IQCM: variants seen among roughly 807,000 people sequenced by gnomAD.
The protein encoded by IQCM is IQ motif containing M.
In IQCM, 45 loss-of-function variants were observed where a neutral mutation model predicts 57.6. The ratio of observed to expected loss-of-function variants is 0.78; its 90% CI spans 0.62 to 1.00. The LOEUF is 1.00. IQCM is among the 50% of genes least tolerant of loss of function. The probability of loss-of-function intolerance (pLI) is 0.00; values close to 1 mark genes in which losing one functional copy is unlikely to be tolerated. For missense variants in IQCM, 468 were observed against 511.6 expected, an observed-to-expected ratio of 0.91 and a Z score of 0.82; for synonymous variants, 148 against 158.9, an observed-to-expected ratio of 0.93 and a Z score of 0.51.
chr4:149,517,352 T>A (rs1232603192), intron 12 of IQCM, among the ~76,000 whole-genome samples: 1 of 152,204 alleles, frequency 6.6e-6, no homozygotes, highest in Non-Finnish European at 1.5e-5. Context: ...TTACCCTTTA[T>A]CATGTGACAT....
chr4:149,783,894 A>T (rs77933172), intron 2 of IQCM, among the ~76,000 whole-genome samples: 3,402 of 152,150 alleles, frequency 0.022, 65 homozygotes, highest in South Asian at 0.036. Flanking sequence ...CAATCATATA[A>T]CTGCAAGGAA....
At chr4:149,449,669 A>C (rs572722120) in intron 12 of IQCM, among the ~76,000 whole-genome samples, 5 of 151,536 alleles carry the variant, frequency 3.3e-5, no homozygotes, top group African/African-American at 4.8e-5. Flanking sequence ...AAAGATCTCT[A>C]TAATGAAAAC....
chr4:149,738,704 T>C (rs1029353173), intron 3 of IQCM, among the ~76,000 whole-genome samples: 1 of 152,074 alleles, frequency 6.6e-6, no homozygotes, highest in Non-Finnish European at 1.5e-5. Context: ...TTCACATAGA[T>C]CCTGAAATGG....
intron 7 of IQCM, among the ~76,000 whole-genome samples, chr4:149,639,118 T>A (rs1757966858): frequency 6.6e-6 from 1 of 152,128 alleles, no homozygotes; most frequent in South Asian, 2.1e-4. Flanking sequence ...GAATATAAAT[T>A]ATATTTCAAT....
At chr4:149,660,687 A>G (rs1760108392) in intron 7 of IQCM, among the ~76,000 whole-genome samples, 1 of 152,252 alleles carries the variant, frequency 6.6e-6, no homozygotes, top group South Asian at 2.1e-4. Context: ...TTGTAGGGAC[A>G]TGGATGAAAT....
chr4:149,486,017 GTCTC>G (rs71596213), intron 12 of IQCM, among the ~76,000 whole-genome samples: 46,612 of 121,368 alleles, frequency 0.38, 8,693 homozygotes, highest in South Asian at 0.54. Context: ...AGCAAACAGA[GTCTC>G]TCTCTCTCTC....
intron 12 of IQCM, among the ~76,000 whole-genome samples, chr4:149,436,021 C>T (rs1309012018): frequency 1.3e-5 from 2 of 151,964 alleles, no homozygotes; most frequent in East Asian, 3.9e-4. Context: ...AAGTTAGTGT[C>T]GCCTAAGTGT....
chr4:149,803,836 A>C (rs1161324458), intron 2 of IQCM, among the ~76,000 whole-genome samples: 1 of 151,672 alleles, frequency 6.6e-6, no homozygotes, highest in African/African-American at 2.4e-5. Flanking sequence ...CAGTTCTTTG[A>C]GTTATAATTT....
At chr4:149,458,714 A>C (rs997392603) in intron 12 of IQCM, among the ~76,000 whole-genome samples, 1 of 152,140 alleles carries the variant, frequency 6.6e-6, no homozygotes, top group Admixed American at 6.6e-5. Context: ...ACGTTCTAAA[A>C]GCTAATTCAG....
chr4:149,802,643 C>A (rs1365387638), intron 2 of IQCM, among the ~76,000 whole-genome samples: 1 of 151,952 alleles, frequency 6.6e-6, no homozygotes, highest in African/African-American at 2.4e-5. Flanking sequence ...CAAGTAAACT[C>A]TAAATTATAT....
chr4:149,380,183 A>G (rs1029391944), intron 13 of IQCM, among the ~76,000 whole-genome samples: 1 of 152,032 alleles, frequency 6.6e-6, no homozygotes, highest in African/African-American at 2.4e-5. Flanking sequence ...GCCCAAGAAA[A>G]CCAGGACTAA....
intron 2 of IQCM, among the ~76,000 whole-genome samples, chr4:149,751,579 A>G (rs1056933386): frequency 6.6e-6 from 1 of 152,158 alleles, no homozygotes; most frequent in East Asian, 1.9e-4. Context: ...AAGCTCTTTC[A>G]TCTGTAATAA....
At chr4:149,716,923 A>G (rs1765052348) in intron 5 of IQCM, among the ~76,000 whole-genome samples, 1 of 152,134 alleles carries the variant, frequency 6.6e-6, no homozygotes, top group African/African-American at 2.4e-5. Flanking sequence ...TCCCTGAACT[A>G]TGGGAGTTTG....
intron 13 of IQCM, among the ~76,000 whole-genome samples, chr4:149,406,114 G>T (rs1370825833): frequency 6.6e-6 from 1 of 151,596 alleles, no homozygotes; most frequent in African/African-American, 2.4e-5. Context: ...TTGCTTCCTT[G>T]AAGAAAATAT....
intron 2 of IQCM, among the ~76,000 whole-genome samples, chr4:149,813,557 C>G (rs1481053806): frequency 6.6e-6 from 1 of 151,946 alleles, no homozygotes; most frequent in Non-Finnish European, 1.5e-5. Flanking sequence ...ACCAATTTCT[C>G]TAAAACTGGG....
chr4:149,714,201 C>T (rs1475360380), intron 5 of IQCM, among the ~76,000 whole-genome samples: 1 of 152,174 alleles, frequency 6.6e-6, no homozygotes, highest in African/African-American at 2.4e-5. Flanking sequence ...CCTGGGAAGA[C>T]AATCTTCACT....
chr4:149,723,436 C>T (rs570660271), intron 5 of IQCM, among the ~76,000 whole-genome samples: 60 of 151,924 alleles, frequency 3.9e-4, no homozygotes, highest in Admixed American at 1.2e-3. Flanking sequence ...TCATATATGG[C>T]TTTTATTATT....
chr4:149,518,691 G>A (rs1247952867), intron 12 of IQCM, among the ~76,000 whole-genome samples: 2 of 152,098 alleles, frequency 1.3e-5, no homozygotes, highest in Non-Finnish European at 2.9e-5. Flanking sequence ...GAATCACAAT[G>A]GATTTTAGGT....
chr4:149,689,118 A>T (rs1762760575), intron 5 of IQCM, among the ~76,000 whole-genome samples: 1 of 152,076 alleles, frequency 6.6e-6, no homozygotes, highest in Admixed American at 6.6e-5. Flanking sequence ...ACCTATGTTT[A>T]TTATGGCACT....
Sources: allele counts gnomAD v4.1 joint callset (sites outside exome capture counted in the v4.1 genomes callset), GRCh38; gene constraint gnomAD v4.1.1; transcripts MANE v1.5; gene names NCBI Gene and HGNC (gene_info 2026-07-23, HGNC 2026-07-21).